BTD: variants seen among roughly 807,000 people sequenced by gnomAD.
BTD encodes biotinidase.
BTD carries 13 observed loss-of-function variants against 17.7 expected under a neutral mutation model. That is an observed-to-expected ratio of 0.74 (90% CI 0.48 to 1.17). The LOEUF is 1.17. Among genes scored for constraint, BTD ranks in the 50% most tolerant of loss-of-function variants. The probability of loss-of-function intolerance (pLI) is 0.00; values close to 1 mark genes in which losing one functional copy is unlikely to be tolerated. For missense variants in BTD, 674 were observed against 650.4 expected, an observed-to-expected ratio of 1.04 and a Z score of -0.39; for synonymous variants, 240 against 245.2, an observed-to-expected ratio of 0.98 and a Z score of 0.20.
intron 3 of BTD, chr3:15,677,712 A>G (rs1177731886): frequency 2.0e-6 from 1 of 493,734 alleles, no homozygotes; most frequent in Non-Finnish European, 3.6e-6. Context: ...TATAACATAT[A>G]TATCTTCATA....
downstream of BTD, among the ~76,000 whole-genome samples, chr3:15,715,019 G>A (rs945647103): frequency 3.3e-5 from 5 of 152,042 alleles, no homozygotes; most frequent in South Asian, 2.1e-4. Flanking sequence ...AATTAACTTC[G>A]TGAATTTTGT....
At chr3:15,637,097 G>T (rs187060104) in intron 2 of BTD, among the ~76,000 whole-genome samples, 1 of 152,080 alleles carries the variant, frequency 6.6e-6, no homozygotes, top group Non-Finnish European at 1.5e-5. Flanking sequence ...CCTTATCACG[G>T]CATGCCATCT....
At position 15,644,668 on chromosome 3, in the gene BTD, C is replaced by A; in HGVS notation, c.752C>A (p.Ala251Asp). The A allele has an allele frequency of 6.2e-7, 1 of 1,614,208 alleles. No individual in the cohort carries two copies. Among genetic ancestry groups the A allele is most frequent in the South Asian group, 1.1e-5 (1 of 91,076 alleles). ...GTGAAGCATGTTGTGTACCCAACTGCCTGGATGAACCAGCTCCCACTCTTG... is the reference window on the plus strand; with the variant it reads ...GTGAAGCATGTTGTGTACCCAACTGACTGGATGAACCAGCTCCCACTCTTG... ...YKVKHVVYPT[A>D]WMNQLPLLAA... Residue 251 changes from alanine to aspartate, a missense_variant, in exon 4 of 4, where the codon GCC becomes GAC. Physicochemically the swap from Ala to Asp is moderately radical, Grantham distance 126. Transcript: ENST00000643237.
chr3:15,622,062 C>T (rs1045045118), intron 1 of BTD, among the ~76,000 whole-genome samples: 8 of 151,996 alleles, frequency 5.3e-5, no homozygotes, highest in African/African-American at 1.7e-4. Flanking sequence ...TTTTCTTAGC[C>T]TGGCTAGAGG....
chr3:15,629,007 A>G (rs1391553524), intron 1 of BTD, among the ~76,000 whole-genome samples: 2 of 152,140 alleles, frequency 1.3e-5, no homozygotes, highest in Admixed American at 1.3e-4. Context: ...GAGTCCTTTA[A>G]CTGACCTGCA....
chr3:15,675,866 G>C (rs2066882671), intron 3 of BTD: 1 of 1,523,814 alleles, frequency 6.6e-7, no homozygotes. Flanking sequence ...AAAAGCTCTA[G>C]GTTAAGGGAA....
intron 4 of BTD, among the ~76,000 whole-genome samples, chr3:15,720,235 G>C (rs988490859): frequency 6.6e-6 from 1 of 151,908 alleles, no homozygotes; most frequent in Admixed American, 6.6e-5. Context: ...AAACCAAAAA[G>C]CAACTATTCC....
In BTD at chr3:15,651,157, T is replaced by C. The variant is rs944092578; in HGVS notation, c.*5669T>C. Among the ~76,000 whole-genome samples the C allele has an allele frequency of 6.6e-6, 1 of 152,100 alleles. No homozygotes were observed. The highest frequency in any genetic ancestry group is 1.5e-5 in the Non-Finnish European group (1 of 68,018). On this transcript the variant is annotated 3_prime_UTR_variant, in exon 4 of 4. Transcript: ENST00000643237. ...AGGCTTAGCTCTGACCTGAAATTCA[T>C]GGATTGAGGGGTGGGGACTGTTTCC...
chr3:15,623,140 C>T (rs1443756668), intron 1 of BTD, among the ~76,000 whole-genome samples: 2 of 152,198 alleles, frequency 1.3e-5, no homozygotes, highest in Non-Finnish European at 2.9e-5. Context: ...TGGGAAACCA[C>T]TCCCATGATT....
upstream of BTD, chr3:15,601,740 C>T (rs930703346): frequency 1.9e-6 from 3 of 1,582,748 alleles, no homozygotes; most frequent in Non-Finnish European, 2.6e-6. Flanking sequence ...GGAGGCGGGA[C>T]TAGCAGGAGA....
downstream of BTD, among the ~76,000 whole-genome samples, chr3:15,716,154 TG>T (rs560598260): frequency 1.8e-4 from 28 of 151,898 alleles, 1 homozygote; most frequent in South Asian, 2.1e-4. Flanking sequence ...AGCTAATTTT[TG>T]TATTTTAGTA....
Position 15,678,297 on chromosome 3 carries a change from G to T in BTD, c.400-31763G>T, listed in dbSNP as rs777925632. ...CAGAATTGACTTGAGCATTATGGCT[G>T]AGCAGCAGCTGTAAACACTCTACAT... is the stretch of plus-strand genomic sequence containing the variant. On this transcript the variant is annotated intron_variant, in intron 3 of 3. Transcript: ENST00000672141. 14 of 1,612,902 alleles carry T rather than the reference G, an allele frequency of 8.7e-6. No individual in the cohort carries two copies. The Admixed American group carries it at 1.8e-4, about 21-fold the overall frequency.
At chr3:15,671,706 C>T (rs140432582) in intron 3 of BTD, among the ~76,000 whole-genome samples, 1 of 151,662 alleles carries the variant, frequency 6.6e-6, no homozygotes. Context: ...GCCTCAGCCT[C>T]CTGAGTAGCT....
At chr3:15,677,306 C>G (rs1006646961) in intron 3 of BTD, among the ~76,000 whole-genome samples, 7 of 152,130 alleles carry the variant, frequency 4.6e-5, no homozygotes, top group African/African-American at 1.4e-4. Flanking sequence ...ATTTGGCTTA[C>G]TGGAGACTTT....
At chr3:15,682,246 ATCAG>A (rs966032777) in intron 3 of BTD, among the ~76,000 whole-genome samples, 31 of 152,222 alleles carry the variant, frequency 2.0e-4, no homozygotes, top group African/African-American at 7.2e-4. Context: ...TTTTAAATAA[ATCAG>A]TAAGTATTTA....
downstream of BTD, among the ~76,000 whole-genome samples, chr3:15,715,862 T>G (rs2072943618): frequency 6.6e-6 from 1 of 152,142 alleles, no homozygotes; most frequent in African/African-American, 2.4e-5. Flanking sequence ...TACCAGTTGT[T>G]ATTTGTTCAA....
intron 1 of BTD, among the ~76,000 whole-genome samples, chr3:15,632,352 G>C (rs986935757): frequency 1.3e-5 from 2 of 152,182 alleles, no homozygotes; most frequent in Non-Finnish European, 2.9e-5. Context: ...CCACAGTTGG[G>C]AATTGCATGG....
At position 15,652,581 on chromosome 3, in the gene BTD, C is replaced by A. The variant is rs12490588; in HGVS notation, c.*7093C>A. 8.5e-4 allele frequency among the ~76,000 whole-genome samples: 129 copies of A among 152,226 alleles called. No individual in the cohort carries two copies. The highest frequency in any genetic ancestry group is 2.8e-3 in the African/African-American group (118 of 41,538). ...GAGACCCTGAGCCGGAACCACCCCACAAAGTCACTCTTGATTTCCTAAGTC... is the reference window on the plus strand; with the variant it reads ...GAGACCCTGAGCCGGAACCACCCCAAAAAGTCACTCTTGATTTCCTAAGTC... On this transcript the variant is annotated 3_prime_UTR_variant, in exon 4 of 4. Coordinates refer to ENST00000643237, the MANE Select transcript of BTD (RefSeq NM_001370658.1).
rs397507170 is a variant in BTD, at chr3:15,635,563, G to A, written c.124G>A (p.Val42Met). The change falls in exon 2 of 4, where the codon GTG becomes ATG. Residue 42 changes from valine (V) to methionine (M), a missense_variant. Coordinates refer to ENST00000643237, the MANE Select transcript of BTD (RefSeq NM_001370658.1). The surrounding 1 kb of genome is among the most constrained non-coding windows in gnomAD (Gnocchi z 4.1). Reference sequence around the variant, plus strand: ...CGAGGCTGAATATTATGTGGCTGCCGTGTATGAGCATCCATCCATCCTGAG... The same window carrying A: ...CGAGGCTGAATATTATGTGGCTGCCATGTATGAGCATCCATCCATCCTGAG... ...HHEAEYYVAA[V>M]YEHPSILSLN... 23 of 1,614,034 alleles carry A rather than the reference G, an allele frequency of 1.4e-5. No homozygotes were observed. Among genetic ancestry groups the A allele is most frequent in the Non-Finnish European group, 1.8e-5 (21 of 1,180,040 alleles).
Sources: allele counts gnomAD v4.1 joint callset (sites outside exome capture counted in the v4.1 genomes callset), GRCh38; gene constraint gnomAD v4.1.1; non-coding constraint Gnocchi (gnomAD v3.1); transcripts MANE v1.5; gene names NCBI Gene and HGNC (gene_info 2026-07-23, HGNC 2026-07-21).